The following HIPK2 variants were observed in gnomAD, a reference collection of about 807,000 sequenced individuals.
HIPK2 encodes homeodomain-interacting protein kinase 2.
Under a neutral mutation model 113.7 loss-of-function variants are expected in HIPK2, and 27 were observed. The ratio of observed to expected loss-of-function variants is 0.24; its 90% CI spans 0.17 to 0.33. HIPK2 has a LOEUF of 0.33. Among genes scored for constraint, HIPK2 ranks in the 10% least tolerant of loss-of-function variants. The pLI is 1.00. For missense variants in HIPK2, 1,257 were observed against 1,588.0 expected, an observed-to-expected ratio of 0.79 and a Z score of 3.54; for synonymous variants, 631 against 642.2, an observed-to-expected ratio of 0.98 and a Z score of 0.26.
chr7:139,629,774 C>T (rs768537717), intron 4 of HIPK2, among the ~76,000 whole-genome samples: 7 of 152,184 alleles, frequency 4.6e-5, no homozygotes, highest in Admixed American at 2.0e-4. Flanking sequence ...ACACCTGGAG[C>T]GGCTTAAGTC....
intron 5 of HIPK2, among the ~76,000 whole-genome samples, chr7:139,627,336 A>ATGTG (rs1413721684): frequency 6.6e-6 from 1 of 150,412 alleles, no homozygotes; most frequent in African/African-American, 2.5e-5. Context: ...GTATGTATGT[A>ATGTG]TGCATGTATT....
At chr7:139,661,969 T>C (rs1258091295) in intron 2 of HIPK2, among the ~76,000 whole-genome samples, 1 of 152,228 alleles carries the variant, frequency 6.6e-6, no homozygotes, top group Admixed American at 6.5e-5. Context: ...TTCACATTAA[T>C]TGATTATTAA....
intron 2 of HIPK2, among the ~76,000 whole-genome samples, chr7:139,695,906 T>C (rs985705369): frequency 6.6e-6 from 1 of 152,026 alleles, no homozygotes. Flanking sequence ...TTCTGATTCA[T>C]CATAGCACAC....
chr7:139,653,851 G>C (rs780100239), intron 2 of HIPK2, among the ~76,000 whole-genome samples: 7 of 152,010 alleles, frequency 4.6e-5, no homozygotes, highest in Non-Finnish European at 1.0e-4. Context: ...TCCTGCCTCA[G>C]CCTCCTGAGT....
At chr7:139,695,454 G>A (rs1233892250) in intron 2 of HIPK2, among the ~76,000 whole-genome samples, 1 of 152,188 alleles carries the variant, frequency 6.6e-6, no homozygotes, top group Non-Finnish European at 1.5e-5. Context: ...GGCTGAGAAC[G>A]CCAACCTGAT....
chr7:139,672,980 C>T (rs191720444), intron 2 of HIPK2, among the ~76,000 whole-genome samples: 2 of 152,148 alleles, frequency 1.3e-5, no homozygotes, highest in Admixed American at 1.3e-4. Context: ...GGAACAAAGC[C>T]CATAAGGTAA....
At chr7:139,638,621 C>T (rs115507411) in intron 2 of HIPK2, among the ~76,000 whole-genome samples, 4,330 of 151,448 alleles carry the variant, frequency 0.029, 208 homozygotes, top group African/African-American at 0.1. Flanking sequence ...AGCCACTAAA[C>T]ATTCTTGTTC....
chr7:139,680,090 G>A (rs924478032), intron 2 of HIPK2, among the ~76,000 whole-genome samples: 6 of 152,138 alleles, frequency 3.9e-5, no homozygotes, highest in East Asian at 1.9e-4. Context: ...AAGGTAAACC[G>A]ATCTCTTAAG....
chr7:139,633,840 G>A (rs538350945), intron 2 of HIPK2, among the ~76,000 whole-genome samples: 89 of 152,128 alleles, frequency 5.9e-4, no homozygotes, highest in African/African-American at 2.0e-3. Context: ...AGCTATTCAG[G>A]AGGCTGAGGC....
At chr7:139,667,563 A>T (rs1206214823) in intron 2 of HIPK2, among the ~76,000 whole-genome samples, 1 of 152,198 alleles carries the variant, frequency 6.6e-6, no homozygotes, top group Non-Finnish European at 1.5e-5. Context: ...CTGGTGCTGA[A>T]TCACTGCTGC....
chr7:139,670,377 A>G (rs1335503469), intron 2 of HIPK2, among the ~76,000 whole-genome samples: 2 of 151,928 alleles, frequency 1.3e-5, no homozygotes, highest in Non-Finnish European at 2.9e-5. Context: ...TGAGGCCAAG[A>G]GTTCAAGACC....
At chr7:139,575,051 A>C in intron 14 of HIPK2, 77 bp downstream of exon 14, 1 of 1,482,820 alleles carries the variant, frequency 6.7e-7, no homozygotes, top group Non-Finnish European at 9.0e-7. Flanking sequence ...AGGGGCCGCC[A>C]CAGCAATCCT....
Position 139,775,241 on chromosome 7 carries a change from CAG to C in HIPK2, c.19+2362_19+2363del, listed in dbSNP as rs770781270. 5.4e-4 allele frequency among the ~76,000 whole-genome samples: 82 copies of C among 152,194 alleles called. 2 individuals are homozygous for C. The highest frequency in any genetic ancestry group is 4.6e-3 in the Admixed American group (71 of 15,274). ...GGGAGTCCATGTGCTCTGATTGAGA[CAG>C]GGGAAAAATCAGGTTTCCTGAACCC... is the stretch of plus-strand genomic sequence containing the variant. On this transcript the variant is annotated intron_variant, in intron 1 of 14. Transcript: ENST00000406875.
intron 2 of HIPK2, among the ~76,000 whole-genome samples, chr7:139,651,097 G>A (rs1324807352): frequency 6.6e-6 from 1 of 152,192 alleles, no homozygotes; most frequent in Non-Finnish European, 1.5e-5. Flanking sequence ...AGAAGCTCTG[G>A]ATTTGTGTTT....
At chr7:139,710,341 CTAGACTTCCCCATCCCTATCTCA>C (rs1349735180) in intron 2 of HIPK2, among the ~76,000 whole-genome samples, 4 of 152,188 alleles carry the variant, frequency 2.6e-5, no homozygotes. Context: ...TCCATGACCC[CTAGACTTCCCCATCCCTATCTCA>C]TGTTAACTTC....
intron 2 of HIPK2, among the ~76,000 whole-genome samples, chr7:139,670,072 C>T (rs983823882): frequency 2.6e-5 from 4 of 152,146 alleles, no homozygotes; most frequent in Non-Finnish European, 5.9e-5. Context: ...AAATTGCTTT[C>T]GGAGGTTTGG....
At position 139,628,944 on chromosome 7, in the gene HIPK2, G is replaced by T; in HGVS notation, c.1434+9C>A. 2 of 1,587,490 alleles carry T rather than the reference G, an allele frequency of 1.3e-6. No individual in the cohort carries two copies. The highest frequency in any genetic ancestry group is 4.5e-5 in the East Asian group (2 of 44,232). On this transcript the variant is annotated intron_variant, in intron 5 of 14. Transcript: ENST00000406875. ...GGGCTTACGTTGCATACTCACCCAT[G>T]AAGCTTACCTGGGCCATATCATCTA...
intron 1 of HIPK2, among the ~76,000 whole-genome samples, chr7:139,728,654 G>A (rs1795664590): frequency 1.3e-5 from 2 of 152,190 alleles, no homozygotes; most frequent in Non-Finnish European, 2.9e-5. Context: ...AGATATGGAA[G>A]GTTAGGAATT....
intron 2 of HIPK2, among the ~76,000 whole-genome samples, chr7:139,669,434 G>T (rs1037844954): frequency 2.0e-5 from 3 of 152,192 alleles, no homozygotes; most frequent in Non-Finnish European, 4.4e-5. Context: ...GAGAGAGAAA[G>T]ATCTTAAAAA....
Sources: allele counts gnomAD v4.1 joint callset (sites outside exome capture counted in the v4.1 genomes callset), GRCh38; gene constraint gnomAD v4.1.1; transcripts MANE v1.5; gene names NCBI Gene and HGNC (gene_info 2026-07-23, HGNC 2026-07-21).